Variants in FERRY3 observed in about 807,000 individuals in gnomAD.
FERRY3 encodes FERRY endosomal RAB5 effector complex subunit 3, also known as protein C12orf4.
At chr12:4,528,552 TATCTC>T in the FERRY3 span, among the ~76,000 whole-genome samples, 4 of 152,136 alleles carry the variant, frequency 2.6e-5, no homozygotes, top group Admixed American at 2.6e-4. Flanking sequence ...CAGTGACAAA[TATCTC>T]AAAACAGCAT....
At chr12:4,538,051 GA>G in the FERRY3 span, among the ~76,000 whole-genome samples, 129 of 147,480 alleles carry the variant, frequency 8.7e-4, no homozygotes, top group Non-Finnish European at 1.2e-3. Context: ...CAGGAATGTT[GA>G]AAAAAAAAAG....
At chr12:4,530,098 A>G in the FERRY3 span, 2 of 1,524,926 alleles carry the variant, frequency 1.3e-6, no homozygotes, top group South Asian at 1.2e-5. Context: ...TAGTATTTTT[A>G]TTTAACACAC....
the FERRY3 span, among the ~76,000 whole-genome samples, chr12:4,532,033 T>C: frequency 6.6e-6 from 1 of 151,640 alleles, no homozygotes; most frequent in African/African-American, 2.4e-5. Context: ...TTGTCCAACC[T>C]GTGGCACAGG....
At chr12:4,489,488 G>A in the FERRY3 span, 1 of 172,720 alleles carries the variant, frequency 5.8e-6, no homozygotes, top group South Asian at 1.9e-4. Context: ...ATGCCTCCAT[G>A]TAAATATAAT....
the FERRY3 span, among the ~76,000 whole-genome samples, chr12:4,499,902 A>G: frequency 6.6e-6 from 1 of 152,146 alleles, no homozygotes; most frequent in Non-Finnish European, 1.5e-5. Context: ...GCTAAGTATT[A>G]TTTGGATTTT....
At chr12:4,490,673 C>T in the FERRY3 span, 1 of 1,074,186 alleles carries the variant, frequency 9.3e-7, no homozygotes, top group Non-Finnish European at 1.4e-6. Flanking sequence ...ACTGAATTTT[C>T]ACTGTGGGGC....
At chr12:4,495,892 A>C in the FERRY3 span, among the ~76,000 whole-genome samples, 1 of 152,238 alleles carries the variant, frequency 6.6e-6, no homozygotes, top group East Asian at 1.9e-4. Context: ...AATATACCAA[A>C]ATACCAATTT....
At chr12:4,518,168 C>G in the FERRY3 span, 3 of 1,613,962 alleles carry the variant, frequency 1.9e-6, no homozygotes, top group East Asian at 4.5e-5. Context: ...AAGTTTCACA[C>G]CACTTCGATG....
the FERRY3 span, chr12:4,500,450 G>A: frequency 3.4e-6 from 3 of 894,420 alleles, no homozygotes; most frequent in Non-Finnish European, 5.2e-6. Context: ...ACTAGTAGGG[G>A]TGTATCCCAA....
chr12:4,534,274 T>C, the FERRY3 span: 2 of 1,610,986 alleles, frequency 1.2e-6, no homozygotes, highest in South Asian at 1.1e-5. Flanking sequence ...ATTCTTCTTC[T>C]ATAAACTGAG....
the FERRY3 span, among the ~76,000 whole-genome samples, chr12:4,508,565 C>G: frequency 1.3e-5 from 2 of 152,130 alleles, no homozygotes; most frequent in Non-Finnish European, 2.9e-5. Flanking sequence ...GCCAACATGG[C>G]AAAACCCCGT....
At chr12:4,500,545 A>AT in the FERRY3 span, among the ~76,000 whole-genome samples, 2,914 of 152,282 alleles carry the variant, frequency 0.019, 97 homozygotes, top group African/African-American at 0.066. Flanking sequence ...ACAATAGCCA[A>AT]TTATGCAATA....
the FERRY3 span, among the ~76,000 whole-genome samples, chr12:4,522,284 A>G: frequency 6.6e-6 from 1 of 152,240 alleles, no homozygotes; most frequent in Non-Finnish European, 1.5e-5. Flanking sequence ...TCTGACTGAC[A>G]CTATTAAGAA....
chr12:4,535,897 T>G, the FERRY3 span: 2 of 734,350 alleles, frequency 2.7e-6, no homozygotes, highest in Non-Finnish European at 3.9e-6. This position sits in a 1 kb window ranked among gnomAD's most constrained non-coding sequence, Gnocchi z 4.0. Flanking sequence ...TTGGAATCAG[T>G]TCCTATGTTA....
the FERRY3 span, among the ~76,000 whole-genome samples, chr12:4,507,512 T>G: frequency 1.4e-5 from 2 of 147,936 alleles, no homozygotes; most frequent in African/African-American, 5.4e-5. Context: ...GTATGTGTCC[T>G]TTAACCCAGG....
chr12:4,533,947 CTT>C, the FERRY3 span: 1 of 409,054 alleles, frequency 2.4e-6, no homozygotes, highest in Non-Finnish European at 4.2e-6. Context: ...CAAGTAGCCT[CTT>C]GTTTTACAAA....
chr12:4,499,610 G>C, the FERRY3 span, among the ~76,000 whole-genome samples: 7 of 152,206 alleles, frequency 4.6e-5, no homozygotes. Flanking sequence ...CCTAATTGCA[G>C]AACTGTATTA....
the FERRY3 span, among the ~76,000 whole-genome samples, chr12:4,506,877 C>T: frequency 2.0e-5 from 3 of 152,116 alleles, no homozygotes; most frequent in African/African-American, 7.2e-5. Flanking sequence ...ACATGCAGAA[C>T]ACACATGTAG....
At chr12:4,493,785 G>A in the FERRY3 span, among the ~76,000 whole-genome samples, 1 of 152,074 alleles carries the variant, frequency 6.6e-6, no homozygotes, top group African/African-American at 2.4e-5. Context: ...CAGAGAGAAC[G>A]AGGTGACTAA....
Sources: gnomAD v4.1 joint callset for allele counts (sites outside exome capture counted in the v4.1 genomes callset) on GRCh38, gnomAD v4.1.1 for gene constraint, Gnocchi (gnomAD v3.1) non-coding constraint, MANE v1.5 for transcripts, NCBI Gene and HGNC (gene_info 2026-07-23, HGNC 2026-07-21) for gene names.